Variants in LAMC1 observed in about 807,000 individuals in gnomAD.
The protein encoded by LAMC1 is laminin subunit gamma-1.
In LAMC1, 38 loss-of-function variants were observed where a neutral mutation model predicts 173.6. The observed-to-expected ratio is 0.22, with a 90% CI of 0.17 to 0.29. The LOEUF is 0.29. Ranked by LOEUF, LAMC1 falls within the 10% of genes least tolerant of loss-of-function variation. The pLI is 1.00. For missense variants in LAMC1, 1,824 were observed against 2,051.8 expected, an observed-to-expected ratio of 0.89 and a Z score of 2.14; for synonymous variants, 746 against 749.1, an observed-to-expected ratio of 1.00 and a Z score of 0.07.
At chr1:183,024,384 G>A (rs1349966321) in intron 1 of LAMC1, among the ~76,000 whole-genome samples, 3 of 152,220 alleles carry the variant, frequency 2.0e-5, no homozygotes, top group Non-Finnish European at 4.4e-5. Flanking sequence ...ACGGGATTCT[G>A]GCTCTCTGAT....
Position 183,132,292 on chromosome 1 carries a change from AAATAAT to A in LAMC1, c.3567-84_3567-79del, listed in dbSNP as rs57729826. 8.5e-4 allele frequency: 576 copies of A among 677,276 alleles called. 3 individuals carry two copies. The highest frequency in any genetic ancestry group is 7.9e-3 in the African/African-American group (406 of 51,124). 42.0% of individuals were successfully genotyped at this position (677,276 alleles called of 1,614,324 possible). ...GGGTGACAGAGCGAGACTCCATTTC[AAATAAT>A]AATAATAATAATAATAATAATAAAG... On this transcript the variant is annotated intron_variant, in intron 20 of 27. Coordinates refer to ENST00000258341, the MANE Select transcript of LAMC1 (RefSeq NM_002293.4).
chr1:183,069,928 G>C (rs779085211), intron 1 of LAMC1, among the ~76,000 whole-genome samples: 1 of 152,234 alleles, frequency 6.6e-6, no homozygotes, highest in East Asian at 1.9e-4. Context: ...CAGGTAGATA[G>C]TGTGGACAAA....
chr1:183,128,210 C>G (rs183003771), intron 17 of LAMC1, among the ~76,000 whole-genome samples: 26 of 152,048 alleles, frequency 1.7e-4, no homozygotes, highest in Non-Finnish European at 3.4e-4. Context: ...GGAGGTATCA[C>G]GAAGGTAATC....
At chr1:183,029,958 G>A (rs899971197) in intron 1 of LAMC1, among the ~76,000 whole-genome samples, 5 of 152,148 alleles carry the variant, frequency 3.3e-5, no homozygotes, top group African/African-American at 1.2e-4. Context: ...CGATTTGGGG[G>A]TAGGCAAATG....
chr1:183,142,825 AG>A lies in LAMC1; in HGVS notation c.*41del, dbSNP rs756004793. On this transcript the variant is annotated 3_prime_UTR_variant, in exon 28 of 28. Coordinates refer to ENST00000258341, the MANE Select transcript of LAMC1 (RefSeq NM_002293.4). ...GGCTGGAAGGCAGCATCCCTCTGAC[AG>A]GGGGGCAGTTGTGAGGCCACAGAGT... The A allele has an allele frequency of 1.7e-5, 26 of 1,537,020 alleles. No homozygotes were observed. In the Admixed American group the frequency reaches 4.8e-4, roughly 29 times the overall value.
chr1:183,033,566 A>G (rs1012976434), intron 1 of LAMC1, among the ~76,000 whole-genome samples: 79 of 152,360 alleles, frequency 5.2e-4, no homozygotes, highest in African/African-American at 1.7e-3. Flanking sequence ...AATGTTCCAC[A>G]TATCACTTAA....
At chr1:183,070,562 T>G (rs1226896972) in intron 1 of LAMC1, among the ~76,000 whole-genome samples, 1 of 152,186 alleles carries the variant, frequency 6.6e-6, no homozygotes, top group Non-Finnish European at 1.5e-5. Context: ...ATGTCTAGGG[T>G]GGTGAGATAA....
At chr1:183,126,063 A>C (rs1157227228) in intron 15 of LAMC1, 57 bp from the exon 16 acceptor site, 2 of 1,538,702 alleles carry the variant, frequency 1.3e-6, no homozygotes, top group Admixed American at 4.1e-5. Context: ...AAAAAAAAAA[A>C]AGTTGTGCTT....
At chr1:183,052,550 T>G (rs1040861993) in intron 1 of LAMC1, among the ~76,000 whole-genome samples, 2 of 152,154 alleles carry the variant, frequency 1.3e-5, no homozygotes, top group Non-Finnish European at 2.9e-5. Context: ...GCCAGGCTGG[T>G]CTCTTAACTC....
At chr1:183,038,186 C>G (rs1654033537) in intron 1 of LAMC1, among the ~76,000 whole-genome samples, 1 of 152,068 alleles carries the variant, frequency 6.6e-6, no homozygotes, top group African/African-American at 2.4e-5. Flanking sequence ...CACGCGTGGG[C>G]CACCATGCCT....
intron 27 of LAMC1, chr1:183,141,427 A>G (rs1355734651): frequency 1.3e-5 from 2 of 152,274 alleles, no homozygotes; most frequent in Non-Finnish European, 2.9e-5. Context: ...AAAAGAGAGA[A>G]AAACCTTGAT....
chr1:183,136,047 A>G (rs1239751384), intron 24 of LAMC1, among the ~76,000 whole-genome samples: 3 of 152,204 alleles, frequency 2.0e-5, no homozygotes, highest in Non-Finnish European at 2.9e-5. Context: ...TCAAAGACAC[A>G]AAGCTCTTAA....
Position 183,115,548 on chromosome 1 carries a change from C to T in LAMC1, c.1239C>T (p.Tyr413=), listed in dbSNP as rs35998781. 1,806 of 1,613,780 alleles carry T rather than the reference C, an allele frequency of 1.1e-3. 14 individuals are homozygous for T. The African/African-American group carries it at 0.016, about 15-fold the overall frequency. ...VGSLSTQCDS[Y]GRCSCKPGVM... is the part of the protein sequence containing the mutation. ...CTCTAAGCACACAGTGTGATAGTTA[C>T]GGCAGATGCAGCTGTAAGCCAGGAG... is the stretch of plus-strand genomic sequence containing the variant. The change falls in exon 6 of 28, where the codon TAC becomes TAT. Residue 413 remains tyrosine (Y), a synonymous_variant. Transcript: ENST00000258341.
Position 183,024,027 on chromosome 1 carries a change from C to G in LAMC1, c.311C>G (p.Ala104Gly). 6.2e-7 allele frequency: 1 copy of G among 1,613,058 alleles called. No homozygotes were observed. Among genetic ancestry groups the G allele is most frequent in the Non-Finnish European group, 8.5e-7 (1 of 1,179,836 alleles). Residue 104 changes from alanine to glycine, a missense_variant, in exon 1 of 28, where the codon GCC becomes GGC. Physicochemically the swap from Ala to Gly is moderately conservative, Grantham distance 60. Transcript: ENST00000258341. ...CAGCCCCACCTGCAGCACGGGGCAGCCTTCCTGACCGACTACAACAACCAG... is the reference window on the plus strand; with the variant it reads ...CAGCCCCACCTGCAGCACGGGGCAGGCTTCCTGACCGACTACAACAACCAG... ...AGQPHLQHGAAFLTDYNNQAD... is the reference protein window; with the variant it reads ...AGQPHLQHGAGFLTDYNNQAD...
intron 1 of LAMC1, among the ~76,000 whole-genome samples, chr1:183,039,403 A>G (rs1654068478): frequency 6.6e-6 from 1 of 152,172 alleles, no homozygotes; most frequent in African/African-American, 2.4e-5. Context: ...AGCAGTCCAT[A>G]CATAGTTTTG....
intron 1 of LAMC1, among the ~76,000 whole-genome samples, chr1:183,086,915 T>C (rs184400466): frequency 8.9e-4 from 136 of 152,310 alleles, no homozygotes; most frequent in South Asian, 1.7e-3. Flanking sequence ...GATCTAGTAA[T>C]AGAGATATTT....
intron 4 of LAMC1, among the ~76,000 whole-genome samples, chr1:183,112,962 T>C (rs952322010): frequency 2.0e-5 from 3 of 152,070 alleles, no homozygotes; most frequent in East Asian, 3.8e-4. Context: ...GGTGGGAGAC[T>C]CATTTGGGAC....
intron 2 of LAMC1, 86 bp downstream of exon 2, chr1:183,103,718 C>T: frequency 2.5e-6 from 3 of 1,211,458 alleles, no homozygotes; most frequent in Non-Finnish European, 2.3e-6. Flanking sequence ...CTTGTGGTCC[C>T]ACTTCTGAGG....
intron 1 of LAMC1, among the ~76,000 whole-genome samples, chr1:183,091,343 C>T (rs973910874): frequency 1.3e-5 from 2 of 151,888 alleles, no homozygotes; most frequent in African/African-American, 4.8e-5. Flanking sequence ...CCAACCCTGC[C>T]CTTGTAGCCA....
Sources: allele counts gnomAD v4.1 joint callset (sites outside exome capture counted in the v4.1 genomes callset), GRCh38; gene constraint gnomAD v4.1.1; transcripts MANE v1.5; gene names NCBI Gene and HGNC (gene_info 2026-07-23, HGNC 2026-07-21).